TLE4: variants seen among roughly 807,000 people sequenced by gnomAD.
TLE4 encodes the protein transducin-like enhancer protein 4.
TLE4 carries 8 observed loss-of-function variants against 92.8 expected under a neutral mutation model. The observed-to-expected ratio is 0.09, with a 90% CI of 0.05 to 0.16. The LOEUF is 0.16. Ranked by LOEUF, TLE4 falls within the 10% of genes least tolerant of loss-of-function variation. TLE4 has a pLI of 1.00. For synonymous variants in TLE4, 371 were observed against 374.1 expected, an observed-to-expected ratio of 0.99 and a Z score of 0.10; for missense variants, 675 against 997.6, an observed-to-expected ratio of 0.68 and a Z score of 4.36.
chr9:79,725,864 T>G lies in TLE4; in HGVS notation c.*720T>G, dbSNP rs1402534711. The G allele has an allele frequency of 6.6e-6, 1 of 152,662 alleles. No homozygotes were observed. The highest frequency in any genetic ancestry group is 1.5e-5 in the Non-Finnish European group (1 of 68,044). 9.5% of individuals were successfully genotyped at this position (152,662 alleles called of 1,614,324 possible). On this transcript the variant is annotated 3_prime_UTR_variant, in exon 20 of 20. Coordinates refer to ENST00000376552, the MANE Select transcript of TLE4 (RefSeq NM_007005.6). ...TTTTTTGACTCGTTGACAAGTGTCT[T>G]TGTAATATGTTTTTAGTTCCCTTTT...
intron 8 of TLE4, among the ~76,000 whole-genome samples, chr9:79,672,255 CTG>C (rs971865467): frequency 1.3e-5 from 2 of 152,040 alleles, no homozygotes; most frequent in East Asian, 1.9e-4. Context: ...AAGATACACA[CTG>C]GGCATAAGAT....
At chr9:79,603,655 C>T (rs921015560) in intron 4 of TLE4, among the ~76,000 whole-genome samples, 30 of 152,100 alleles carry the variant, frequency 2.0e-4, no homozygotes, top group Admixed American at 8.5e-4. Flanking sequence ...GTAGCATTCA[C>T]TTTATTGTTG....
At chr9:79,641,241 A>C (rs2057081968) in intron 6 of TLE4, among the ~76,000 whole-genome samples, 2 of 151,916 alleles carry the variant, frequency 1.3e-5, no homozygotes, top group Non-Finnish European at 2.9e-5. Context: ...TGGAATGAAA[A>C]ACATCTGTTC....
chr9:79,612,368 T>C (rs2133064790), intron 4 of TLE4, among the ~76,000 whole-genome samples: 2 of 152,284 alleles, frequency 1.3e-5, no homozygotes, highest in Middle Eastern at 3.4e-3. Flanking sequence ...GTGAAGGCTG[T>C]TGAAAACTGA....
chr9:79,573,589 A>C, intron 1 of TLE4, 100 bp from the exon 2 acceptor site: 1 of 989,266 alleles, frequency 1.0e-6, no homozygotes, highest in Non-Finnish European at 1.4e-6. Flanking sequence ...TGCGTGCGCG[A>C]TGACCCTCAC....
At chr9:79,573,006 G>C (rs974620681) in intron 1 of TLE4, among the ~76,000 whole-genome samples, 171 bp downstream of exon 1, 5 of 152,060 alleles carry the variant, frequency 3.3e-5, no homozygotes, top group Non-Finnish European at 4.4e-5. Flanking sequence ...CCGGCGCGGT[G>C]GCCCTCGGAG....
intron 13 of TLE4, among the ~76,000 whole-genome samples, 179 bp downstream of exon 13, chr9:79,708,965 C>T (rs1395067571): frequency 2.0e-5 from 3 of 152,010 alleles, no homozygotes; most frequent in Non-Finnish European, 4.4e-5. Context: ...TCAAGTAGCT[C>T]GAAAAAACAG....
intron 8 of TLE4, among the ~76,000 whole-genome samples, chr9:79,674,498 TAGG>T (rs1444085869): frequency 6.6e-6 from 1 of 152,196 alleles, no homozygotes; most frequent in Admixed American, 6.5e-5. Flanking sequence ...AGATTAGAGA[TAGG>T]AGGAGCCCCA....
chr9:79,719,900 A>T, intron 15 of TLE4, 146 bp from the exon 16 acceptor site: 1 of 1,055,698 alleles, frequency 9.5e-7, no homozygotes, highest in Non-Finnish European at 1.3e-6. Flanking sequence ...GTAATTTTCT[A>T]GCATTAATCC....
At chr9:79,703,590 G>A (rs992005343) in intron 8 of TLE4, among the ~76,000 whole-genome samples, 5 of 152,112 alleles carry the variant, frequency 3.3e-5, no homozygotes, top group African/African-American at 4.8e-5. Flanking sequence ...TGTCACCCAC[G>A]TCTCTTGTGT....
At chr9:79,647,529 T>C (rs751275113) in intron 6 of TLE4, among the ~76,000 whole-genome samples, 8 of 152,156 alleles carry the variant, frequency 5.3e-5, no homozygotes, top group Non-Finnish European at 1.2e-4. Context: ...CAGAATAGGC[T>C]TATAGTACAA....
At chr9:79,581,208 T>G (rs2039565344) in intron 4 of TLE4, among the ~76,000 whole-genome samples, 2 of 152,210 alleles carry the variant, frequency 1.3e-5, no homozygotes, top group African/African-American at 4.8e-5. Context: ...GGTTTTAAAT[T>G]AGATTTTTTC....
At chr9:79,720,424 GTA>G (rs2075426726) in intron 16 of TLE4, 131 bp downstream of exon 16, 2 of 916,038 alleles carry the variant, frequency 2.2e-6, no homozygotes, top group East Asian at 3.8e-5. Flanking sequence ...GTGTGTGTGT[GTA>G]AAGTGATATA....
At chr9:79,635,001 A>C (rs1306178975) in intron 6 of TLE4, among the ~76,000 whole-genome samples, 1 of 152,198 alleles carries the variant, frequency 6.6e-6, no homozygotes, top group Non-Finnish European at 1.5e-5. Flanking sequence ...GGGATTGCTG[A>C]GTTACATGGT....
intron 8 of TLE4, among the ~76,000 whole-genome samples, chr9:79,680,090 C>T (rs1468794380): frequency 8.6e-5 from 13 of 151,454 alleles, no homozygotes; most frequent in African/African-American, 1.2e-4. Flanking sequence ...GGATTGACTT[C>T]GTGATGCAGG....
intron 14 of TLE4, chr9:79,717,959 CTG>C (rs1428872109): frequency 2.2e-6 from 1 of 456,406 alleles, no homozygotes; most frequent in East Asian, 7.0e-5. Context: ...AAAAATGAGT[CTG>C]TTGGGGGAGA....
At chr9:79,674,838 C>T (rs181181954) in intron 8 of TLE4, among the ~76,000 whole-genome samples, 92 of 152,258 alleles carry the variant, frequency 6.0e-4, no homozygotes, top group Admixed American at 1.5e-3. Context: ...CAGATGTATC[C>T]TCCTCTTCTA....
intron 8 of TLE4, among the ~76,000 whole-genome samples, chr9:79,689,585 A>C (rs2066616161): frequency 6.6e-6 from 1 of 152,198 alleles, no homozygotes; most frequent in South Asian, 2.1e-4. Flanking sequence ...AAGTGCGTAA[A>C]GAGCATCTTG....
At chr9:79,638,903 TC>T (rs1378637803) in intron 6 of TLE4, among the ~76,000 whole-genome samples, 2 of 152,232 alleles carry the variant, frequency 1.3e-5, no homozygotes, top group African/African-American at 4.8e-5. Context: ...TTGTTGGTTC[TC>T]CCTTGCAGGC....
Sources: gnomAD v4.1 joint callset for allele counts (sites outside exome capture counted in the v4.1 genomes callset) on GRCh38, gnomAD v4.1.1 for gene constraint, MANE v1.5 for transcripts, NCBI Gene and HGNC (gene_info 2026-07-23, HGNC 2026-07-21) for gene names.